INTS2: variants seen among roughly 807,000 people sequenced by gnomAD.
INTS2 encodes KIAA1287.
In INTS2, 57 loss-of-function variants were observed where a neutral mutation model predicts 139.6. That is an observed-to-expected ratio of 0.41 (90% CI 0.33 to 0.51). The LOEUF (loss-of-function observed/expected upper bound fraction) is 0.51, where lower values mean the gene tolerates loss of function less well. INTS2 is among the 20% of genes least tolerant of loss of function. The pLI, the probability that INTS2 is intolerant of heterozygous loss-of-function variation, is 0.28. For missense variants in INTS2, 1,196 were observed against 1,436.7 expected, an observed-to-expected ratio of 0.83 and a Z score of 2.71; for synonymous variants, 473 against 493.4, an observed-to-expected ratio of 0.96 and a Z score of 0.55.
chr17:61,884,818 GCACCTATTA>G lies in INTS2; in HGVS notation c.2089+74_2089+82del. The G allele has an allele frequency of 5.0e-6, 4 of 797,846 alleles. No individual in the cohort carries two copies. The South Asian group carries it at 6.4e-5, about 13-fold the overall frequency. 49.4% of individuals were successfully genotyped at this position (797,846 alleles called of 1,614,324 possible). ...GAACTGTTTGAATTTTTAACATTAA[GCACCTATTA>G]CACTTCATAACATTATAAACAGAAA... On this transcript the variant is annotated intron_variant, in intron 16 of 24. Transcript: ENST00000251334.
At chr17:61,907,313 T>C in intron 8 of INTS2, 95 bp downstream of exon 8, 1 of 1,054,000 alleles carries the variant, frequency 9.5e-7, no homozygotes. Context: ...CAGAAAACTT[T>C]AATCCTCTGA....
At chr17:61,917,343 T>TC (rs538477629) in intron 5 of INTS2, among the ~76,000 whole-genome samples, 26 of 152,282 alleles carry the variant, frequency 1.7e-4, no homozygotes, top group Non-Finnish European at 3.4e-4. Flanking sequence ...TGTATGTTCA[T>TC]CCCAATACTA....
At position 61,884,961 on chromosome 17, in the gene INTS2, C is replaced by T; in HGVS notation, c.2029G>A (p.Asp677Asn). ...ATAAGGAATTTGATAGGAATCTGATCCATTAAAGAAGAAGAATATGATTTG... is the reference window on the plus strand; with the variant it reads ...ATAAGGAATTTGATAGGAATCTGATTCATTAAAGAAGAAGAATATGATTTG... ...KPKSYSSSLM[D>N]QIPIKFLIRQ... Residue 677 changes from aspartate to asparagine, a missense_variant, in exon 16 of 25, where the codon GAT becomes AAT. By Grantham distance (23) the Asp-to-Asn change is conservative. Coordinates refer to ENST00000251334, the MANE Select transcript of INTS2 (RefSeq NM_001351695.2). The T allele has an allele frequency of 6.2e-7, 1 of 1,608,108 alleles. No individual in the cohort carries two copies. Among genetic ancestry groups the T allele is most frequent in the Non-Finnish European group, 8.5e-7 (1 of 1,176,990 alleles).
In INTS2 at chr17:61,868,941, G is replaced by A; in HGVS notation, c.3244+93C>T. 2.7e-6 allele frequency: 2 copies of A among 742,612 alleles called. No homozygotes were observed. Among genetic ancestry groups the A allele is most frequent in the Admixed American group, 2.4e-5 (1 of 42,372 alleles). 46.0% of individuals were successfully genotyped at this position (742,612 alleles called of 1,614,324 possible). ...ATATTGTATCATACTGTCTCAGAGTGACAGAAAAAACATATTGCATCACTA... is the reference window on the plus strand; with the variant it reads ...ATATTGTATCATACTGTCTCAGAGTAACAGAAAAAACATATTGCATCACTA... On this transcript the variant is annotated intron_variant, in intron 23 of 24. Coordinates refer to ENST00000251334, the MANE Select transcript of INTS2 (RefSeq NM_001351695.2). The surrounding 1 kb of genome is among the most constrained non-coding windows in gnomAD (Gnocchi z 4.7).
At chr17:61,896,007 C>T (rs745939543) in intron 11 of INTS2, among the ~76,000 whole-genome samples, 4 of 151,830 alleles carry the variant, frequency 2.6e-5, no homozygotes, top group African/African-American at 9.7e-5. Flanking sequence ...TTTGGGAGGC[C>T]GAGGAGGGCA....
At chr17:61,892,724 C>A (rs913708765) in intron 13 of INTS2, among the ~76,000 whole-genome samples, 1 of 151,188 alleles carries the variant, frequency 6.6e-6, no homozygotes, top group African/African-American at 2.4e-5. Context: ...GTGGGTGGAT[C>A]ACGTGAGGTC....
At chr17:61,890,742 ATTAGACT>A (rs2079283034) in intron 14 of INTS2, among the ~76,000 whole-genome samples, 1 of 151,010 alleles carries the variant, frequency 6.6e-6, no homozygotes, top group Non-Finnish European at 1.5e-5. Context: ...CAGGGAACCC[ATTAGACT>A]TTAAAGTGAA....
Position 61,867,691 on chromosome 17 carries a change from A to G in INTS2, c.3457T>C (p.Ser1153Pro). The change falls in exon 25 of 25, where the codon TCT becomes CCT. Residue 1153 changes from serine to proline, a missense_variant. Ser to Pro is a moderately conservative substitution (Grantham distance 74, BLOSUM62 -1). Coordinates refer to ENST00000251334, the MANE Select transcript of INTS2 (RefSeq NM_001351695.2). The surrounding 1 kb of genome is among the most constrained non-coding windows in gnomAD (Gnocchi z 5.6). ...TAAGATGAATCTTTACAGATTTGAG[A>G]CCATCCACTTGGTTTCTCCTTTATT... ...QQIKEKPSGW[S>P]QICKDSSYKN... 6.2e-7 allele frequency: 1 copy of G among 1,609,046 alleles called. No homozygotes were observed. Among genetic ancestry groups the G allele is most frequent in the Non-Finnish European group, 8.5e-7 (1 of 1,177,632 alleles).
intron 4 of INTS2, among the ~76,000 whole-genome samples, chr17:61,920,827 C>G (rs2079633677): frequency 6.6e-6 from 1 of 152,022 alleles, no homozygotes; most frequent in Admixed American, 6.6e-5. Context: ...AGGTCTCACT[C>G]TGGACAGAGT....
intron 5 of INTS2, among the ~76,000 whole-genome samples, chr17:61,918,963 C>T (rs1261497055): frequency 2.8e-5 from 4 of 140,666 alleles, no homozygotes; most frequent in Non-Finnish European, 4.5e-5. Context: ...CTCGCCCTGT[C>T]GCCCAGGCCG....
chr17:61,926,380 G>C lies in INTS2; in HGVS notation c.265C>G (p.Gln89Glu). Residue 89 changes from glutamine (Q) to glutamate (E), a missense_variant, in exon 2 of 25, where the codon CAA becomes GAA. Transcript: ENST00000251334. ...LLSVDFHALE[Q>E]DASKEQQLRH... is the part of the protein sequence containing the mutation. ...AGCTGCTGTTCTTTGCTGGCATCTT[G>C]TTCTAAAGCATGAAAGTCCACGGAC... is the stretch of plus-strand genomic sequence containing the variant. 6.2e-7 allele frequency: 1 copy of C among 1,607,846 alleles called. No individual in the cohort carries two copies. Among genetic ancestry groups the C allele is most frequent in the Non-Finnish European group, 8.5e-7 (1 of 1,175,002 alleles).
chr17:61,908,019 C>T (rs932164315), intron 7 of INTS2, among the ~76,000 whole-genome samples: 1 of 152,164 alleles, frequency 6.6e-6, no homozygotes, highest in African/African-American at 2.4e-5. Flanking sequence ...CGATTATATA[C>T]CTTTAGGCAC....
At position 61,897,329 on chromosome 17, in the gene INTS2, G is replaced by A; in HGVS notation, c.1494+140C>T. 1 of 556,734 alleles carries A rather than the reference G, an allele frequency of 1.8e-6. No homozygotes were observed. The highest frequency in any genetic ancestry group is 3.1e-6 in the Non-Finnish European group (1 of 317,862). The allele number at this position is 556,734 out of a possible 1,614,324, so 34.5% of individuals were successfully genotyped here. ...TTTTAGTAAATACAGGTTTCAAAAT[G>A]CATTTTTCTAAGCGCTCTTGATAAA... On this transcript the variant is annotated intron_variant, in intron 11 of 24. Coordinates refer to ENST00000251334, the MANE Select transcript of INTS2 (RefSeq NM_001351695.2). The surrounding 1 kb of genome is among the most constrained non-coding windows in gnomAD (Gnocchi z 4.4).
In INTS2 at chr17:61,897,543, A is replaced by G; in HGVS notation, c.1420T>C (p.Leu474=). Reference sequence around the variant, plus strand: ...TTGCTGTGAAAGTACATAGCCACCAATAATAACATCTCCCCAAAAGAAGCA... The same window carrying G: ...TTGCTGTGAAAGTACATAGCCACCAGTAATAACATCTCCCCAAAAGAAGCA... ...VSASFGEMLL[L]VAMYFHSNQL... is the part of the protein sequence containing the mutation. Residue 474 remains leucine, a synonymous_variant, in exon 11 of 25, where the codon TTG becomes CTG. Coordinates refer to ENST00000251334, the MANE Select transcript of INTS2 (RefSeq NM_001351695.2). The surrounding 1 kb of genome is among the most constrained non-coding windows in gnomAD (Gnocchi z 4.4). The G allele has an allele frequency of 6.2e-7, 1 of 1,604,764 alleles. No individual in the cohort carries two copies. The highest frequency in any genetic ancestry group is 8.5e-7 in the Non-Finnish European group (1 of 1,175,422).
At chr17:61,895,704 GTGTC>G (rs1387599467) in intron 11 of INTS2, among the ~76,000 whole-genome samples, 1 of 151,994 alleles carries the variant, frequency 6.6e-6, no homozygotes, top group Non-Finnish European at 1.5e-5. Context: ...GTGTGTGTCT[GTGTC>G]TGTATATACG....
chr17:61,905,819 T>C (rs2079456972), intron 8 of INTS2, among the ~76,000 whole-genome samples: 1 of 152,152 alleles, frequency 6.6e-6, no homozygotes, highest in Admixed American at 6.5e-5. Flanking sequence ...TGCCTCAGCC[T>C]CCCAAGTAGC....
chr17:61,911,273 A>T, intron 7 of INTS2: 1 of 446,496 alleles, frequency 2.2e-6, no homozygotes, highest in Non-Finnish European at 3.9e-6. Context: ...TATTTTTAAA[A>T]GAACTAAATA....
intron 9 of INTS2, among the ~76,000 whole-genome samples, chr17:61,899,271 G>A (rs1487300818): frequency 6.6e-6 from 1 of 150,518 alleles, no homozygotes; most frequent in Non-Finnish European, 1.5e-5. Flanking sequence ...TTTTGTTTTT[G>A]AGAAGTTTCG....
intron 9 of INTS2, 64 bp downstream of exon 9, chr17:61,904,396 A>G: frequency 8.6e-7 from 1 of 1,159,012 alleles, no homozygotes; most frequent in Non-Finnish European, 1.2e-6. Flanking sequence ...CTAATGCTAT[A>G]CAATTTTATT....
Sources: gnomAD v4.1 joint callset for allele counts (sites outside exome capture counted in the v4.1 genomes callset) on GRCh38, gnomAD v4.1.1 for gene constraint, Gnocchi (gnomAD v3.1) non-coding constraint, MANE v1.5 for transcripts, NCBI Gene and HGNC (gene_info 2026-07-23, HGNC 2026-07-21) for gene names.